The following SLC41A1 variants were observed in gnomAD, a reference collection of about 807,000 sequenced individuals.
SLC41A1 encodes solute carrier family 41 member 1, also known as solute carrier family 41 (magnesium transporter), member 1.
Under a neutral mutation model 47.3 loss-of-function variants are expected in SLC41A1, and 20 were observed. That is an observed-to-expected ratio of 0.42 (90% CI 0.30 to 0.61). The LOEUF (loss-of-function observed/expected upper bound fraction) is 0.61. Ranked by LOEUF, SLC41A1 falls within the 20% of genes least tolerant of loss-of-function variation. The probability of loss-of-function intolerance (pLI) is 0.17; values close to 1 mark genes in which losing one functional copy is unlikely to be tolerated. For synonymous variants in SLC41A1, 282 were observed against 272.7 expected (o/e 1.03, Z -0.34); for missense variants, 504 against 674.1 (o/e 0.75, Z 2.79).
intron 9 of SLC41A1, 42 bp from the exon 10 acceptor site, chr1:205,795,060 A>G: frequency 6.2e-7 from 1 of 1,609,638 alleles, no homozygotes. Flanking sequence ...AGGGGAGGAG[A>G]AGACCTGGCC....
Position 205,812,920 on chromosome 1 carries a change from T to C in SLC41A1, c.-759A>G. On this transcript the variant is annotated 5_prime_UTR_variant, in exon 1 of 11. Coordinates refer to ENST00000367137, the MANE Select transcript of SLC41A1 (RefSeq NM_173854.6). ...ATCACTCCTCCTCGACAGTCCTCCT[T>C]GGCCCCCGGCGTGCCCCCCCACACC... 1.0e-6 allele frequency: 1 copy of C among 985,550 alleles called. No individual in the cohort carries two copies. The highest frequency in any genetic ancestry group is 5.2e-4 in the Middle Eastern group (1 of 1,916). 61.1% of individuals were successfully genotyped at this position (985,550 alleles called of 1,614,324 possible). A position where few individuals can be genotyped will look rare whatever the true frequency, so the allele number is the denominator to read the frequency against.
At position 205,795,451 on chromosome 1, in the gene SLC41A1, T is replaced by C. The variant is rs1571640001; in HGVS notation, c.1100A>G (p.Gln367Arg). Residue 367 changes from glutamine (Q) to arginine (R), a missense_variant, in exon 9 of 11, where the codon CAG becomes CGG. Gln to Arg is a conservative substitution (Grantham distance 43). Coordinates refer to ENST00000367137, the MANE Select transcript of SLC41A1 (RefSeq NM_173854.6). ...NGVGGNLVAV[Q>R]ASRISTFLHM... ...CAGGAAGGTGGAGATGCGGCTGGCC[T>C]GCACTGCCACCAGATTGCCCCCAAC... 1 of 1,614,144 alleles carries C rather than the reference T, an allele frequency of 6.2e-7. No homozygotes were observed. The highest frequency in any genetic ancestry group is 8.5e-7 in the Non-Finnish European group (1 of 1,180,020).
intron 8 of SLC41A1, chr1:205,795,961 T>A: frequency 4.1e-6 from 1 of 246,588 alleles, no homozygotes. Context: ...AGGATCAGGT[T>A]TGAGCTCCAA....
At chr1:205,801,968 G>C (rs1655891700) in intron 2 of SLC41A1, among the ~76,000 whole-genome samples, 1 of 152,220 alleles carries the variant, frequency 6.6e-6, no homozygotes, top group South Asian at 2.1e-4. Context: ...ACTAGTTAGT[G>C]CTAAGAGGAC....
In SLC41A1 at chr1:205,797,914, C is replaced by T; in HGVS notation, c.982G>A (p.Ala328Thr). 6.2e-7 allele frequency: 1 copy of T among 1,614,128 alleles called. No individual in the cohort carries two copies. Among genetic ancestry groups the T allele is most frequent in the Non-Finnish European group, 8.5e-7 (1 of 1,180,036 alleles). The change falls in exon 7 of 11, where the codon GCC (alanine) becomes ACC (threonine). Residue 328 changes from alanine to threonine, a missense_variant. Around this residue, in one of 2 missense-constraint regions of SLC41A1, gnomAD observed 421 missense variants for 601.6 expected, o/e 0.70. Transcript: ENST00000367137. Reference sequence around the variant, plus strand: ...AGGGCCCCAGCCTACCTGCTGATGGCCATGGCAATGATAACAGGCTCCCAG... The same window carrying T: ...AGGGCCCCAGCCTACCTGCTGATGGTCATGGCAATGATAACAGGCTCCCAG... Reference protein sequence around the residue: ...SGWEPVIIAMAISSVGGLILD... With the variant: ...SGWEPVIIAMTISSVGGLILD...
In SLC41A1 at chr1:205,798,678, G is replaced by C; in HGVS notation, c.835C>G (p.Leu279Val). Residue 279 changes from leucine (L) to valine (V), a missense_variant, in exon 6 of 11, where the codon CTG becomes GTG. Leu to Val is a conservative substitution (Grantham distance 32). Transcript: ENST00000367137. ...LLSGISWGLYLELNHWRYIYP... is the reference protein window; with the variant it reads ...LLSGISWGLYVELNHWRYIYP... ...ACTCTTGGTGGCTCACTCAGTTCCAGGTAGAGTCCCCAGCTGATGCCTGAG... is the reference window on the plus strand; with the variant it reads ...ACTCTTGGTGGCTCACTCAGTTCCACGTAGAGTCCCCAGCTGATGCCTGAG... 2 of 1,614,188 alleles carry C rather than the reference G, an allele frequency of 1.2e-6. No homozygotes were observed. Among genetic ancestry groups the C allele is most frequent in the African/African-American group, 2.7e-5 (2 of 75,042 alleles).
At position 205,813,040 on chromosome 1, in the gene SLC41A1, G is replaced by T; in HGVS notation, c.-879C>A. 2 of 985,536 alleles carry T rather than the reference G, an allele frequency of 2.0e-6. No homozygotes were observed. The highest frequency in any genetic ancestry group is 2.4e-6 in the Non-Finnish European group (2 of 829,994). The allele number at this position is 985,536 out of a possible 1,614,324, so 61.0% of individuals were successfully genotyped here. ...CGCCGCTCCGCTTCCACGCGGGGGAGGTGGCCGGGGAGGGCAGGATATATC... is the reference window on the plus strand; with the variant it reads ...CGCCGCTCCGCTTCCACGCGGGGGATGTGGCCGGGGAGGGCAGGATATATC... On this transcript the variant is annotated 5_prime_UTR_variant, in exon 1 of 11. Coordinates refer to ENST00000367137, the MANE Select transcript of SLC41A1 (RefSeq NM_173854.6).
chr1:205,807,650 C>CTTTTTTTTTT (rs71152452), intron 2 of SLC41A1, among the ~76,000 whole-genome samples: 1 of 98,512 alleles, frequency 1.0e-5, no homozygotes, highest in African/African-American at 3.7e-5. Flanking sequence ...CTCGTAGAGT[C>CTTTTTTTTTT]TTTTTTTTTT....
rs752294794 is a variant in SLC41A1 at position 205,810,151 on chromosome 1, G to A, written c.291C>T (p.Ser97=). The change falls in exon 2 of 11, where the codon TCC becomes TCT. Residue 97 remains serine (S), a synonymous_variant. Coordinates refer to ENST00000367137, the MANE Select transcript of SLC41A1 (RefSeq NM_173854.6). The surrounding 1 kb of genome is among the most constrained non-coding windows in gnomAD (Gnocchi z 5.5). Reference sequence around the variant, plus strand: ...ATGGAAACAGTACTTGCAGCCCGATGGAAAAGGAGGTCTCCTTGAGCGGGG... The same window carrying A: ...ATGGAAACAGTACTTGCAGCCCGATAGAAAAGGAGGTCTCCTTGAGCGGGG... ...PPSPLKETSF[S]IGLQVLFPFL... is the part of the protein sequence containing the mutation. 1 of 1,614,244 alleles carries A rather than the reference G, an allele frequency of 6.2e-7. No homozygotes were observed. Among genetic ancestry groups the A allele is most frequent in the Admixed American group, 1.7e-5 (1 of 60,032 alleles).
chr1:205,806,869 C>T lies in SLC41A1; in HGVS notation c.372+3201G>A, dbSNP rs1174423300. Among the ~76,000 whole-genome samples the T allele has an allele frequency of 3.3e-5, 5 of 152,150 alleles. No individual in the cohort carries two copies. The East Asian group carries it at 9.7e-4, about 29-fold the overall frequency. ...CTTTTAAATTAAAATTAAAATTCAA[C>T]TTTTTATTTTTATTTTTTTTGCATC... On this transcript the variant is annotated intron_variant, in intron 2 of 10. Transcript: ENST00000367137.
In SLC41A1 at chr1:205,800,940, C is replaced by G. The variant is rs1405400371; in HGVS notation, c.480+13G>C. ...CCTCTCTGTGCCCCACTCCTCCCAGCCAGGATACTCACTGCAGTGGAAAGC... is the reference window on the plus strand; with the variant it reads ...CCTCTCTGTGCCCCACTCCTCCCAGGCAGGATACTCACTGCAGTGGAAAGC... On this transcript the variant is annotated intron_variant, in intron 3 of 10. Coordinates refer to ENST00000367137, the MANE Select transcript of SLC41A1 (RefSeq NM_173854.6). The G allele has an allele frequency of 6.2e-7, 1 of 1,612,232 alleles. No homozygotes were observed. Among genetic ancestry groups the G allele is most frequent in the Non-Finnish European group, 8.5e-7 (1 of 1,178,524 alleles).
In SLC41A1 at chr1:205,795,312, C is replaced by A. The variant is rs75453372; in HGVS notation, c.1207+32G>T. 9.3e-6 allele frequency: 15 copies of A among 1,614,132 alleles called. No homozygotes were observed. The East Asian group carries it at 3.1e-4, about 34-fold the overall frequency. On this transcript the variant is annotated intron_variant, in intron 9 of 10. Coordinates refer to ENST00000367137, the MANE Select transcript of SLC41A1 (RefSeq NM_173854.6). ...CTCACTGACAGTAGGCCCACTCCCC[C>A]CAGGGCTGGGAGGCTGGGAATCTGC...
In SLC41A1 at chr1:205,789,273, CA is replaced by C. The variant is rs1418246559; in HGVS notation, c.*2259del. 1.3e-5 allele frequency: 2 copies of C among 152,226 alleles called. No homozygotes were observed. The highest frequency in any genetic ancestry group is 2.9e-5 in the Non-Finnish European group (2 of 68,038). The allele number at this position is 152,226 out of a possible 1,614,324, so 9.4% of individuals were successfully genotyped here. ...AGGCCAAAAGTACATGCAGTTGGTA[CA>C]ATCGGGGAAAAGAAATGAAACTTCC... On this transcript the variant is annotated 3_prime_UTR_variant, in exon 11 of 11. Coordinates refer to ENST00000367137, the MANE Select transcript of SLC41A1 (RefSeq NM_173854.6).
At position 205,798,660 on chromosome 1, in the gene SLC41A1, G is replaced by C; in HGVS notation, c.844+9C>G. 6.2e-7 allele frequency: 1 copy of C among 1,614,170 alleles called. No homozygotes were observed. The highest frequency in any genetic ancestry group is 8.5e-7 in the Non-Finnish European group (1 of 1,180,036). ...AGGACTCCAAGAAGCCACACTCTTG[G>C]TGGCTCACTCAGTTCCAGGTAGAGT... On this transcript the variant is annotated intron_variant, in intron 6 of 10. Transcript: ENST00000367137.
chr1:205,803,123 A>G (rs1430850562), intron 2 of SLC41A1, among the ~76,000 whole-genome samples: 1 of 151,878 alleles, frequency 6.6e-6, no homozygotes. Context: ...GAGCCGAGAC[A>G]GTGCCACTGC....
intron 2 of SLC41A1, chr1:205,801,271 G>A: frequency 1.9e-6 from 1 of 534,216 alleles, no homozygotes; most frequent in South Asian, 2.0e-5. Flanking sequence ...CCAGAACCAG[G>A]GAGATGGAGA....
intron 8 of SLC41A1, 80 bp from the exon 9 acceptor site, chr1:205,795,558 T>C: frequency 6.5e-7 from 1 of 1,548,340 alleles, no homozygotes; most frequent in Non-Finnish European, 8.9e-7. Context: ...TCACTCTTTG[T>C]CTTCTATCTA....
At position 205,811,103 on chromosome 1, in the gene SLC41A1, G is replaced by A. The variant is rs979043272; in HGVS notation, c.-646-16C>T. 6.5e-6 allele frequency: 1 copy of A among 153,870 alleles called. No individual in the cohort carries two copies. The highest frequency in any genetic ancestry group is 1.4e-5 in the Non-Finnish European group (1 of 69,274). 9.5% of individuals were successfully genotyped at this position (153,870 alleles called of 1,614,324 possible). On this transcript the variant is annotated splice_polypyrimidine_tract_variant and intron_variant, in intron 1 of 10. Transcript: ENST00000367137. ...TGTGGAACACCTTATGTGGGAAGGA[G>A]AAAGAAAAGAAAAAGAACATTACAC...
intron 2 of SLC41A1, among the ~76,000 whole-genome samples, chr1:205,805,972 A>G (rs1656005746): frequency 6.6e-6 from 1 of 152,198 alleles, no homozygotes; most frequent in Admixed American, 6.5e-5. Context: ...TCCCAGATAC[A>G]AGCTTTAGGC....
Sources: allele counts gnomAD v4.1 joint callset (sites outside exome capture counted in the v4.1 genomes callset), GRCh38; gene constraint gnomAD v4.1.1; regional missense constraint gnomAD v4.1.1; non-coding constraint Gnocchi (gnomAD v3.1); transcripts MANE v1.5; gene names NCBI Gene and HGNC (gene_info 2026-07-23, HGNC 2026-07-21).